POU2F3: variants seen among roughly 807,000 people sequenced by gnomAD.
POU2F3 encodes POU class 2 homeobox 3.
POU2F3 carries 23 observed loss-of-function variants against 59.2 expected under a neutral mutation model. The observed-to-expected ratio is 0.39, with a 90% CI of 0.28 to 0.55. The LOEUF (loss-of-function observed/expected upper bound fraction) is 0.55. Among genes scored for constraint, POU2F3 ranks in the 20% least tolerant of loss-of-function variants. The pLI is 0.66. For synonymous variants in POU2F3, 190 were observed against 214.6 expected, an observed-to-expected ratio of 0.89 and a Z score of 1.00; for missense variants, 473 against 544.5, an observed-to-expected ratio of 0.87 and a Z score of 1.31.
chr11:120,237,393 C>T (rs1938530461), upstream of POU2F3, among the ~76,000 whole-genome samples: 1 of 152,176 alleles, frequency 6.6e-6, no homozygotes, highest in Admixed American at 6.5e-5. Context: ...AAAGCTGTGC[C>T]TCCAGCTGTG....
At chr11:120,288,127 C>CAAAAAAAAAAAAAA (rs1491240764) in intron 3 of POU2F3, among the ~76,000 whole-genome samples, 10 of 7,638 alleles carry the variant, frequency 1.3e-3, no homozygotes, top group African/African-American at 3.0e-3. Flanking sequence ...AACAAAAAAA[C>CAAAAAAAAAAAAAA]CAAAAAAAAA....
intron 3 of POU2F3, among the ~76,000 whole-genome samples, chr11:120,282,122 G>C (rs886361296): frequency 6.6e-6 from 1 of 152,182 alleles, no homozygotes; most frequent in Non-Finnish European, 1.5e-5. Flanking sequence ...GTGCTTCTCA[G>C]ATTCCCCCAA....
At chr11:120,306,695 A>ATGGATT (rs1180523941) in intron 8 of POU2F3, among the ~76,000 whole-genome samples, 1 of 152,088 alleles carries the variant, frequency 6.6e-6, no homozygotes, top group Non-Finnish European at 1.5e-5. Context: ...GTCGATTCAT[A>ATGGATT]TGGATTCGTG....
chr11:120,314,492 G>T (rs1216598782), intron 10 of POU2F3, among the ~76,000 whole-genome samples: 1 of 152,218 alleles, frequency 6.6e-6, no homozygotes, highest in Admixed American at 6.5e-5. Context: ...CAGCTGTTGG[G>T]TTGGAAGCTT....
At chr11:120,242,626 C>T (rs1282666642) in intron 1 of POU2F3, among the ~76,000 whole-genome samples, 1 of 152,174 alleles carries the variant, frequency 6.6e-6, no homozygotes, top group Admixed American at 6.5e-5. Context: ...AGCACACAAA[C>T]TAGAGCATAG....
intron 8 of POU2F3, among the ~76,000 whole-genome samples, chr11:120,306,786 GGGAGGGGGCA>G (rs746931596): frequency 6.6e-6 from 1 of 152,176 alleles, no homozygotes; most frequent in African/African-American, 2.4e-5. Context: ...ACGCAAGCAT[GGGAGGGGGCA>G]GGAAGCTCCC....
chr11:120,265,929 A>T (rs1157364246), intron 2 of POU2F3: 1 of 152,090 alleles, frequency 6.6e-6, no homozygotes, highest in African/African-American at 2.4e-5. Context: ...CCTCCTCATC[A>T]TCTAAACTTG....
At chr11:120,259,725 G>A (rs575973729) in intron 2 of POU2F3, among the ~76,000 whole-genome samples, 1 of 152,206 alleles carries the variant, frequency 6.6e-6, no homozygotes, top group Non-Finnish European at 1.5e-5. Flanking sequence ...GAAGTTGAAG[G>A]CTACGGAGAT....
intron 3 of POU2F3, among the ~76,000 whole-genome samples, chr11:120,271,535 C>A (rs566099462): frequency 5.8e-4 from 89 of 152,344 alleles, no homozygotes; most frequent in African/African-American, 2.0e-3. Context: ...CCCCTTGGGA[C>A]AAGATGCACG....
chr11:120,290,530 T>C (rs759776954), intron 3 of POU2F3, among the ~76,000 whole-genome samples: 1 of 152,224 alleles, frequency 6.6e-6, no homozygotes, highest in Non-Finnish European at 1.5e-5. Flanking sequence ...GGGAGGGGTC[T>C]GGAGGCCAAA....
At chr11:120,261,160 T>TTGTGGG (rs1939581455) in intron 2 of POU2F3, 1 of 139,036 alleles carries the variant, frequency 7.2e-6, no homozygotes. Context: ...TTTTGTTGTT[T>TTGTGGG]TGTGTGTGTG....
intron 1 of POU2F3, 37 bp downstream of exon 1, chr11:120,240,408 C>G (rs1321123615): frequency 7.3e-7 from 1 of 1,372,400 alleles, no homozygotes; most frequent in Admixed American, 2.8e-5. Flanking sequence ...ACAGGTGTCA[C>G]TGCGCGTGGG....
At chr11:120,315,623 A>ATTGTT (rs1319118267) in intron 11 of POU2F3, among the ~76,000 whole-genome samples, 196 bp downstream of exon 11, 4 of 152,168 alleles carry the variant, frequency 2.6e-5, no homozygotes, top group Non-Finnish European at 4.4e-5. Context: ...AAACAAGCGA[A>ATTGTT]TTGTTTTGTT....
In POU2F3 at chr11:120,318,106, A is replaced by G. The variant is rs146804707; in HGVS notation, c.1272-247A>G. ...AGAGAAAGAGGACCATATAATATAC[A>G]TTACCAGCTTTAAAAAATTGTTTCG... On this transcript the variant is annotated intron_variant, in intron 12 of 12. Coordinates refer to ENST00000543440, the MANE Select transcript of POU2F3 (RefSeq NM_014352.4). Among the ~76,000 whole-genome samples, 356 of 152,270 alleles carry G rather than the reference A, an allele frequency of 2.3e-3. 4 individuals carry two copies. Among genetic ancestry groups the G allele is most frequent in the African/African-American group, 7.8e-3 (324 of 41,554 alleles).
At position 120,298,374 on chromosome 11, in the gene POU2F3, A is replaced by G; in HGVS notation, c.242A>G (p.Asn81Ser). ...TCCGGAAACCAAATGTCTGGGCTAA[A>G]TGCCAGCCCATGTCAGGTAACACTG... ...MMSGNQMSGL[N>S]ASPCQDMASL... is the part of the protein sequence containing the mutation. The change falls in exon 4 of 13, where the codon AAT becomes AGT. Residue 81 changes from asparagine (N) to serine (S), a missense_variant. Physicochemically the swap from Asn to Ser is conservative, Grantham distance 46 (BLOSUM62 1). Transcript: ENST00000543440. 4.3e-6 allele frequency: 7 copies of G among 1,613,758 alleles called. 1 individual carries two copies. The highest frequency in any genetic ancestry group is 2.2e-5 in the South Asian group (2 of 90,978).
intron 3 of POU2F3, among the ~76,000 whole-genome samples, chr11:120,297,348 A>G (rs1042384040): frequency 1.3e-5 from 2 of 152,168 alleles, no homozygotes; most frequent in Admixed American, 1.3e-4. Flanking sequence ...AGGGTGGTGG[A>G]GACTGGAGAG....
chr11:120,309,183 T>G (rs1383336949), intron 9 of POU2F3, among the ~76,000 whole-genome samples: 2 of 152,080 alleles, frequency 1.3e-5, no homozygotes, highest in East Asian at 1.9e-4. Flanking sequence ...TCTCATTTAA[T>G]TCTCACAATA....
chr11:120,250,198 A>G (rs943213052), intron 2 of POU2F3: 2 of 152,074 alleles, frequency 1.3e-5, no homozygotes, highest in Non-Finnish European at 2.9e-5. Flanking sequence ...TTTTCTCCCC[A>G]TTCCTTTCTT....
At chr11:120,261,941 G>A (rs996226518) in intron 2 of POU2F3, among the ~76,000 whole-genome samples, 1 of 152,168 alleles carries the variant, frequency 6.6e-6, no homozygotes, top group African/African-American at 2.4e-5. Flanking sequence ...GCTCTGTGAC[G>A]CTGCAGGTTT....
Sources: allele counts gnomAD v4.1 joint callset (sites outside exome capture counted in the v4.1 genomes callset), GRCh38; gene constraint gnomAD v4.1.1; transcripts MANE v1.5; gene names NCBI Gene and HGNC (gene_info 2026-07-23, HGNC 2026-07-21).